DCHS2: variants seen among roughly 807,000 people sequenced by gnomAD.
The protein encoded by DCHS2 is protocadherin-23.
In DCHS2, 142 loss-of-function variants were observed where a neutral mutation model predicts 182.4. The ratio of observed to expected loss-of-function variants is 0.78; its 90% confidence interval spans 0.68 to 0.89. The LOEUF (loss-of-function observed/expected upper bound fraction) is 0.89. Among genes scored for constraint, DCHS2 ranks in the 40% least tolerant of loss-of-function variants. The pLI is 0.00. For missense variants in DCHS2, 4,319 were observed against 4,198.6 expected (o/e 1.03, Z -0.79); for synonymous variants, 1,740 against 1,663.3 (o/e 1.05, Z -1.12).
chr4:154,341,523 A>G (rs1729104704), intron 3 of DCHS2, among the ~76,000 whole-genome samples: 1 of 152,040 alleles, frequency 6.6e-6, no homozygotes, highest in South Asian at 2.1e-4. Context: ...TTCATTTCAT[A>G]GAAGTCTTAG....
At chr4:154,421,429 C>T (rs916286445) in intron 1 of DCHS2, among the ~76,000 whole-genome samples, 3 of 150,650 alleles carry the variant, frequency 2.0e-5, no homozygotes, top group Non-Finnish European at 4.4e-5. Context: ...AAGTCTCACT[C>T]TGTCACCCAG....
At chr4:154,271,519 G>C (rs1733591177) in intron 13 of DCHS2, among the ~76,000 whole-genome samples, 1 of 152,186 alleles carries the variant, frequency 6.6e-6, no homozygotes, top group African/African-American at 2.4e-5. Context: ...ACTAAGAGAA[G>C]ATGCTGAGTG....
intron 16 of DCHS2, among the ~76,000 whole-genome samples, chr4:154,251,388 T>TTTC (rs1439793734): frequency 1.1e-5 from 1 of 89,292 alleles, no homozygotes; most frequent in African/African-American, 3.3e-5. Flanking sequence ...TGAGTTCCCA[T>TTTC]TTCTTTATTT....
Position 154,240,676 on chromosome 4 carries a change from G to C in DCHS2, c.7220C>G (p.Thr2407Arg). The C allele has an allele frequency of 6.2e-7, 1 of 1,613,920 alleles. No homozygotes were observed. Among genetic ancestry groups the C allele is most frequent in the Non-Finnish European group, 8.5e-7 (1 of 1,179,912 alleles). ...TTCAGTCATTTCTTCAAAATCCAAT[G>C]TTTTCACCAACACCACCACTCCAGT... ...QNTGVVVLVK[T>R]LDFEEMTEYE... Residue 2407 changes from threonine (T) to arginine (R), a missense_variant, in exon 18 of 20, where the codon ACA becomes AGA. Transcript: ENST00000357232.
At chr4:154,265,541 G>A (rs1733207386) in intron 14 of DCHS2, among the ~76,000 whole-genome samples, 1 of 152,160 alleles carries the variant, frequency 6.6e-6, no homozygotes, top group Non-Finnish European at 1.5e-5. Flanking sequence ...AACTTCAGGA[G>A]GCCAAGGCAA....
At chr4:154,266,524 C>T (rs992868490) in intron 14 of DCHS2, among the ~76,000 whole-genome samples, 1 of 151,886 alleles carries the variant, frequency 6.6e-6, no homozygotes, top group Non-Finnish European at 1.5e-5. Context: ...GGTGTGGTGG[C>T]GCATGCCTGT....
chr4:154,433,063 C>A (rs1423200875), intron 1 of DCHS2, among the ~76,000 whole-genome samples: 1 of 152,146 alleles, frequency 6.6e-6, no homozygotes, highest in African/African-American at 2.4e-5. Context: ...AGGCTCTTTG[C>A]AGATATAATA....
At chr4:154,464,700 C>T (rs1459987512) in intron 1 of DCHS2, among the ~76,000 whole-genome samples, 1 of 152,110 alleles carries the variant, frequency 6.6e-6, no homozygotes, top group Admixed American at 6.6e-5. Context: ...TACATGGGTT[C>T]CAGCAGGGAG....
intron 1 of DCHS2, among the ~76,000 whole-genome samples, chr4:154,431,459 C>T (rs1298529517): frequency 1.3e-5 from 2 of 151,948 alleles, no homozygotes; most frequent in Admixed American, 6.6e-5. Flanking sequence ...TATCACACAT[C>T]TTTTGTTAGA....
chr4:154,321,094 A>G lies in DCHS2; in HGVS notation c.4305T>C (p.Tyr1435=). The G allele has an allele frequency of 6.2e-7, 1 of 1,609,640 alleles. No individual in the cohort carries two copies. Among genetic ancestry groups the G allele is most frequent in the Non-Finnish European group, 8.5e-7 (1 of 1,176,304 alleles). ...IKSSDHLQQH[Y]NGKLHFSIVA... is the part of the protein sequence containing the mutation. Reference sequence around the variant, plus strand: ...CAATACTAAAATGTAACTTTCCATTATAATGTTGTTGAAGGTGATCAGATG... The same window carrying G: ...CAATACTAAAATGTAACTTTCCATTGTAATGTTGTTGAAGGTGATCAGATG... Residue 1435 remains tyrosine, a synonymous_variant, in exon 9 of 20, where the codon TAT becomes TAC. Transcript: ENST00000357232.
chr4:154,322,436 T>G lies in DCHS2; in HGVS notation c.4071A>C (p.Thr1357=). 2.5e-6 allele frequency: 4 copies of G among 1,613,696 alleles called. No individual in the cohort carries two copies. The highest frequency in any genetic ancestry group is 3.4e-6 in the Non-Finnish European group (4 of 1,179,770). The change falls in exon 8 of 20, where the codon ACA becomes ACC. Residue 1357 remains threonine (T), a synonymous_variant. Coordinates refer to ENST00000357232, the MANE Select transcript of DCHS2 (RefSeq NM_001358235.2). ...KIDANNGEIR[T]TTILSYDYRP... Reference sequence around the variant, plus strand: ...TATAATCATACGAAAGTATTGTGGTTGTTCTTATTTCACCATTGTTGGCGT... The same window carrying G: ...TATAATCATACGAAAGTATTGTGGTGGTTCTTATTTCACCATTGTTGGCGT...
intron 1 of DCHS2, among the ~76,000 whole-genome samples, chr4:154,458,264 C>G (rs1019653371): frequency 6.6e-6 from 1 of 151,658 alleles, no homozygotes; most frequent in Non-Finnish European, 1.5e-5. Context: ...AATTCTATAA[C>G]TGTATTAATA....
Position 154,236,938 on chromosome 4 carries a change from A to G in DCHS2, c.7714T>C (p.Ser2572Pro), listed in dbSNP as rs111684589. 1.9e-6 allele frequency: 3 copies of G among 1,613,970 alleles called. No homozygotes were observed. The change falls in exon 20 of 20, where the codon TCA (serine) becomes CCA (proline). Residue 2572 changes from serine (S) to proline (P), a missense_variant. Ser to Pro is a moderately conservative substitution (Grantham distance 74). Transcript: ENST00000357232. The stretch of plus-strand genomic sequence containing the variant: ...CGGGTCCAGTCATGGTCGATGTTTG[A>G]AAATGTAACAAGCGTGCTTCCAACC... ...ALVGSTLVTF[S>P]NIDHDWTREN... is the part of the protein sequence containing the mutation.
At chr4:154,390,820 C>T (rs553017543) in intron 1 of DCHS2, among the ~76,000 whole-genome samples, 20 of 152,008 alleles carry the variant, frequency 1.3e-4, no homozygotes, top group Non-Finnish European at 2.4e-4. Flanking sequence ...GAGAAAGAAA[C>T]CATATGTAAA....
chr4:154,426,751 T>C (rs1348275966), intron 1 of DCHS2, among the ~76,000 whole-genome samples: 1 of 94,448 alleles, frequency 1.1e-5, no homozygotes, highest in African/African-American at 3.3e-5. Flanking sequence ...CTGGGCAACA[T>C]AGTGAGACTT....
chr4:154,319,656 T>TAAAAAAAAAAAAAAAAAAAAAA (rs59154846), intron 9 of DCHS2, among the ~76,000 whole-genome samples: 1 of 116,942 alleles, frequency 8.6e-6, no homozygotes, highest in African/African-American at 3.2e-5. Flanking sequence ...TGGCTGTTAC[T>TAAAAAAAAAAAAAAAAAAAAAA]AAAAAAAAAA....
intron 14 of DCHS2, 76 bp from the exon 15 acceptor site, chr4:154,259,832 T>G (rs959628417): frequency 3.6e-6 from 5 of 1,407,414 alleles, no homozygotes; most frequent in African/African-American, 1.4e-5. Flanking sequence ...TATTTATTTA[T>G]TTAGTTTTGA....
At chr4:154,365,455 A>C (rs1013830103) in intron 3 of DCHS2, among the ~76,000 whole-genome samples, 1 of 151,920 alleles carries the variant, frequency 6.6e-6, no homozygotes, top group African/African-American at 2.4e-5. Context: ...TGCAACATAG[A>C]TATTATCAGT....
At chr4:154,417,988 A>G (rs904307013) in intron 1 of DCHS2, among the ~76,000 whole-genome samples, 2 of 152,214 alleles carry the variant, frequency 1.3e-5, no homozygotes, top group African/African-American at 4.8e-5. Context: ...GAAAAAGTGA[A>G]CAATCCTTAA....
Sources: gnomAD v4.1 joint callset for allele counts (sites outside exome capture counted in the v4.1 genomes callset) on GRCh38, gnomAD v4.1.1 for gene constraint, MANE v1.5 for transcripts, NCBI Gene and HGNC (gene_info 2026-07-23, HGNC 2026-07-21) for gene names.